Variants in LNPK observed in about 807,000 individuals in gnomAD.
LNPK encodes endoplasmic reticulum junction formation protein lunapark.
Under a neutral mutation model 55.2 loss-of-function variants are expected in LNPK, and 29 were observed. That is an observed-to-expected ratio of 0.53 (90% confidence interval 0.39 to 0.72). The LOEUF is 0.72. LNPK is among the 30% of genes least tolerant of loss of function. The probability of loss-of-function intolerance (pLI) is 0.00; values close to 1 mark genes in which losing one functional copy is unlikely to be tolerated. For synonymous variants in LNPK, 162 were observed against 168.2 expected (o/e 0.96, Z 0.29); for missense variants, 467 against 494.8 (o/e 0.94, Z 0.53).
intron 8 of LNPK, among the ~76,000 whole-genome samples, chr2:175,962,540 T>C (rs1252145045): frequency 6.6e-6 from 1 of 152,188 alleles, no homozygotes; most frequent in African/African-American, 2.4e-5. Context: ...TTACACCTTA[T>C]ACAAAAATTA....
At chr2:175,992,492 G>T in intron 3 of LNPK, 74 bp from the exon 4 acceptor site, 1 of 902,580 alleles carries the variant, frequency 1.1e-6, no homozygotes, top group Non-Finnish European at 1.6e-6. Flanking sequence ...AAAAATTTTA[G>T]CAGGAAAGAT....
intron 1 of LNPK, among the ~76,000 whole-genome samples, chr2:175,999,675 C>G (rs1195529243): frequency 6.6e-6 from 1 of 152,180 alleles, no homozygotes; most frequent in East Asian, 1.9e-4. Flanking sequence ...AGAACTCTCC[C>G]ATGAACATGT....
chr2:175,938,554 A>G (rs1434860695), intron 10 of LNPK, 171 bp from the exon 11 acceptor site: 1 of 398,780 alleles, frequency 2.5e-6, no homozygotes, highest in African/African-American at 2.1e-5. Flanking sequence ...AAAAGCCAAA[A>G]TTAACCAAAG....
intron 1 of LNPK, among the ~76,000 whole-genome samples, chr2:175,996,285 A>C (rs1170981183): frequency 6.6e-6 from 1 of 152,218 alleles, no homozygotes; most frequent in Admixed American, 6.5e-5. Context: ...AAGTTTTACC[A>C]TACTACTTTC....
chr2:175,965,231 TC>T (rs1211571697), intron 6 of LNPK, among the ~76,000 whole-genome samples: 2 of 152,322 alleles, frequency 1.3e-5, no homozygotes, highest in East Asian at 3.9e-4. Flanking sequence ...TTTACTGAGT[TC>T]TATGTTCACA....
chr2:175,963,620 G>A (rs553497175), intron 8 of LNPK, among the ~76,000 whole-genome samples: 8 of 152,106 alleles, frequency 5.3e-5, no homozygotes, highest in Non-Finnish European at 8.8e-5. Flanking sequence ...AAGTTAGTGG[G>A]TGCAGTGCAC....
rs186563598 is a variant in LNPK, at chr2:175,948,715, T to C, written c.494-1023A>G. On this transcript the variant is annotated intron_variant, in intron 8 of 12. Transcript: ENST00000272748. ...AGTAATTTTTAATTGGCATAAATAG[T>C]AAAAATACATATGTCCAGAAGCAAA... Among the ~76,000 whole-genome samples the C allele has an allele frequency of 2.1e-3, 315 of 152,290 alleles. 2 individuals are homozygous for C. Among genetic ancestry groups the C allele is most frequent in the African/African-American group, 7.1e-3 (296 of 41,568 alleles).
intron 8 of LNPK, among the ~76,000 whole-genome samples, chr2:175,955,902 T>TTAGTAAAGGTGCAGGGCTGAG (rs1272323390): frequency 3.3e-5 from 5 of 152,154 alleles, no homozygotes; most frequent in Admixed American, 2.6e-4. Flanking sequence ...TTACATTTCA[T>TTAGTAAAGGTGCAGGGCTGAG]TAGTAAAGGT....
chr2:175,929,896 G>A lies in LNPK; in HGVS notation c.*71C>T. 6.3e-7 allele frequency: 1 copy of A among 1,585,088 alleles called. No homozygotes were observed. The highest frequency in any genetic ancestry group is 2.3e-5 in the East Asian group (1 of 44,440). The stretch of plus-strand genomic sequence containing the variant: ...CCTTAGAGGGGCAAAAAAAGTAAGT[G>A]CCACCGAAAAAGCAATAACTGACAT... On this transcript the variant is annotated 3_prime_UTR_variant, in exon 13 of 13. Transcript: ENST00000272748.
intron 1 of LNPK, among the ~76,000 whole-genome samples, chr2:175,998,214 C>A (rs574257587): frequency 6.6e-6 from 1 of 151,850 alleles, no homozygotes. Context: ...GAGGCCGAGG[C>A]GGGTGGATCA....
At chr2:175,970,896 T>C in intron 5 of LNPK, 92 bp from the exon 6 acceptor site, 1 of 1,152,750 alleles carries the variant, frequency 8.7e-7, no homozygotes, top group Non-Finnish European at 1.2e-6. Context: ...CAAGAAAACT[T>C]TCTTATTTTA....
chr2:175,983,689 T>C (rs570058837), intron 4 of LNPK, among the ~76,000 whole-genome samples: 5 of 151,822 alleles, frequency 3.3e-5, no homozygotes, highest in East Asian at 1.9e-4. Context: ...AATAAAACCA[T>C]AGACAAAGGT....
intron 9 of LNPK, among the ~76,000 whole-genome samples, chr2:175,944,223 C>G (rs1383194273): frequency 6.6e-6 from 1 of 151,886 alleles, no homozygotes; most frequent in Non-Finnish European, 1.5e-5. Context: ...AAAAAATGTG[C>G]AAAATCTATA....
At chr2:176,000,424 T>C (rs1392999283) in intron 1 of LNPK, among the ~76,000 whole-genome samples, 1 of 152,236 alleles carries the variant, frequency 6.6e-6, no homozygotes, top group African/African-American at 2.4e-5. Context: ...TGCTTAATTG[T>C]AGCCATTATT....
chr2:175,970,310 A>C (rs529109558), intron 6 of LNPK, among the ~76,000 whole-genome samples: 16 of 151,892 alleles, frequency 1.1e-4, no homozygotes, highest in Non-Finnish European at 2.1e-4. Context: ...GAAAACAATT[A>C]TCTCTCTCTC....
At chr2:175,958,949 A>G (rs559147600) in intron 8 of LNPK, among the ~76,000 whole-genome samples, 30 of 152,364 alleles carry the variant, frequency 2.0e-4, no homozygotes, top group Middle Eastern at 3.4e-3. Flanking sequence ...AGCCGATTTC[A>G]TCAAACAGAA....
intron 9 of LNPK, among the ~76,000 whole-genome samples, chr2:175,941,541 C>T (rs1267282064): frequency 1.3e-5 from 2 of 150,940 alleles, no homozygotes; most frequent in Non-Finnish European, 3.0e-5. Flanking sequence ...GCCTGTAATC[C>T]CAGCACTTTA....
intron 5 of LNPK, among the ~76,000 whole-genome samples, chr2:175,977,986 G>C (rs557097046): frequency 6.6e-6 from 1 of 152,084 alleles, no homozygotes; most frequent in Non-Finnish European, 1.5e-5. Context: ...AGAATCCAGA[G>C]CATAAATGGC....
intron 9 of LNPK, among the ~76,000 whole-genome samples, chr2:175,943,685 T>C (rs531515492): frequency 2.6e-5 from 4 of 152,122 alleles, no homozygotes; most frequent in Admixed American, 6.5e-5. Context: ...AACATCTCAA[T>C]AGATGTAGAA....
Sources: gnomAD v4.1 joint callset for allele counts (sites outside exome capture counted in the v4.1 genomes callset) on GRCh38, gnomAD v4.1.1 for gene constraint, MANE v1.5 for transcripts, NCBI Gene and HGNC (gene_info 2026-07-23, HGNC 2026-07-21) for gene names.